Variants in ROBO1 observed in about 807,000 individuals in gnomAD.
ROBO1 encodes roundabout guidance receptor 1.
ROBO1 carries 149 observed loss-of-function variants against 195.9 expected under a neutral mutation model. The ratio of observed to expected loss-of-function variants is 0.76; its 90% CI spans 0.67 to 0.87. The LOEUF is 0.87. ROBO1 is among the 40% of genes least tolerant of loss of function. The probability of loss-of-function intolerance (pLI) is 0.00; values close to 1 mark genes in which losing one functional copy is unlikely to be tolerated. For synonymous variants in ROBO1, 816 were observed against 733.2 expected (o/e 1.11, Z -1.82); for missense variants, 1,933 against 2,068.3 (o/e 0.93, Z 1.27).
chr3:79,631,824 A>G (rs1945351466), intron 1 of ROBO1, among the ~76,000 whole-genome samples: 1 of 152,144 alleles, frequency 6.6e-6, no homozygotes, highest in Non-Finnish European at 1.5e-5. Flanking sequence ...AAGTACATGA[A>G]CAGACATTCC....
intron 2 of ROBO1, among the ~76,000 whole-genome samples, chr3:79,408,361 T>C (rs1323407546): frequency 6.6e-6 from 1 of 152,094 alleles, no homozygotes; most frequent in Non-Finnish European, 1.5e-5. Flanking sequence ...ATTGAATTTA[T>C]CTTTATATAT....
At chr3:79,560,010 T>C (rs1942849981) in intron 2 of ROBO1, among the ~76,000 whole-genome samples, 1 of 152,100 alleles carries the variant, frequency 6.6e-6, no homozygotes, top group Non-Finnish European at 1.5e-5. Flanking sequence ...GATAAGAATA[T>C]ACTTTATGTT....
intron 2 of ROBO1, among the ~76,000 whole-genome samples, chr3:79,462,569 C>T (rs988386177): frequency 1.3e-5 from 2 of 152,146 alleles, no homozygotes; most frequent in East Asian, 3.9e-4. Flanking sequence ...CAATGAAGCA[C>T]TTTTGTGTAG....
Position 78,938,588 on chromosome 3 carries a change from C to A in ROBO1, c.499+13G>T. 2 of 1,596,162 alleles carry A rather than the reference C, an allele frequency of 1.3e-6. No homozygotes were observed. The highest frequency in any genetic ancestry group is 1.7e-4 in the Middle Eastern group (1 of 5,968). The stretch of plus-strand genomic sequence containing the variant: ...ACTCCCTCTGCCAAACACAGAGCGC[C>A]CAGTTTACTTACTGGCTACTTCCAG... On this transcript the variant is annotated intron_variant, in intron 4 of 30. Transcript: ENST00000464233.
At chr3:79,292,327 G>A (rs905014073) in intron 2 of ROBO1, among the ~76,000 whole-genome samples, 2 of 152,206 alleles carry the variant, frequency 1.3e-5, no homozygotes, top group African/African-American at 4.8e-5. Context: ...TGCAAACAGA[G>A]ACAATTTGAC....
chr3:79,493,097 G>T (rs1406420028), intron 2 of ROBO1, among the ~76,000 whole-genome samples: 1 of 151,862 alleles, frequency 6.6e-6, no homozygotes, highest in East Asian at 1.9e-4. Context: ...TTAATTAAGA[G>T]ATTTGGCAAA....
chr3:78,802,707 GCATCATCATCAT>G (rs58983750), intron 4 of ROBO1, among the ~76,000 whole-genome samples: 39 of 149,752 alleles, frequency 2.6e-4, no homozygotes, highest in South Asian at 4.2e-4. Context: ...CTGCGGTCTA[GCATCATCATCAT>G]CATCATCATC....
At chr3:79,419,387 C>G (rs1169712096) in intron 2 of ROBO1, among the ~76,000 whole-genome samples, 1 of 152,026 alleles carries the variant, frequency 6.6e-6, no homozygotes, top group East Asian at 1.9e-4. Flanking sequence ...GTCCAGCCTC[C>G]AGAAAGTGAT....
At chr3:78,677,414 G>A (rs992695976) in intron 10 of ROBO1, among the ~76,000 whole-genome samples, 111 of 152,224 alleles carry the variant, frequency 7.3e-4, no homozygotes, top group African/African-American at 2.5e-3. Context: ...TCAGTGTGCT[G>A]TATTCAGGAA....
rs370400635 is a variant in ROBO1 at position 79,494,450 on chromosome 3, A to C, written c.88+95374T>G. Among the ~76,000 whole-genome samples, 9 of 152,306 alleles carry C rather than the reference A, an allele frequency of 5.9e-5. No individual in the cohort carries two copies. The East Asian group carries it at 1.3e-3, about 23-fold the overall frequency. ...GAAACAAATAAAAGGGCTATCTGCAAAAAAATACAATTTTTTAAAAGTAAG... is the reference window on the plus strand; with the variant it reads ...GAAACAAATAAAAGGGCTATCTGCACAAAAATACAATTTTTTAAAAGTAAG... On this transcript the variant is annotated intron_variant, in intron 2 of 30. Transcript: ENST00000464233.
At chr3:79,120,519 C>G (rs2080097469) in intron 3 of ROBO1, among the ~76,000 whole-genome samples, 1 of 151,954 alleles carries the variant, frequency 6.6e-6, no homozygotes, top group Admixed American at 6.6e-5. Context: ...GGACAGGCTT[C>G]TTTTAATTAG....
intron 2 of ROBO1, among the ~76,000 whole-genome samples, chr3:79,145,867 C>G (rs2080638187): frequency 6.6e-6 from 1 of 151,860 alleles, no homozygotes. Context: ...TTACAGTGTT[C>G]TTTGAGTGAA....
At chr3:78,691,833 C>T (rs1309367382) in intron 8 of ROBO1, among the ~76,000 whole-genome samples, 1 of 152,114 alleles carries the variant, frequency 6.6e-6, no homozygotes, top group African/African-American at 2.4e-5. Context: ...CATTTTTCTT[C>T]ACACTATCTT....
intron 2 of ROBO1, among the ~76,000 whole-genome samples, chr3:79,147,186 T>C (rs1381825057): frequency 6.6e-6 from 1 of 151,942 alleles, no homozygotes; most frequent in Non-Finnish European, 1.5e-5. Flanking sequence ...AAAATGAATA[T>C]AGTCAACGCA....
At chr3:79,091,105 C>T (rs1204355734) in intron 3 of ROBO1, among the ~76,000 whole-genome samples, 1 of 152,106 alleles carries the variant, frequency 6.6e-6, no homozygotes, top group Non-Finnish European at 1.5e-5. Flanking sequence ...CATAACACCT[C>T]CACTTACTCA....
At chr3:78,857,661 G>A (rs1025601385) in intron 4 of ROBO1, among the ~76,000 whole-genome samples, 4 of 152,130 alleles carry the variant, frequency 2.6e-5, no homozygotes, top group African/African-American at 7.2e-5. Context: ...AACTCTGGAC[G>A]TGGCCAGAAA....
intron 22 of ROBO1, among the ~76,000 whole-genome samples, chr3:78,636,653 A>G (rs950549382): frequency 2.0e-5 from 3 of 151,892 alleles, no homozygotes; most frequent in African/African-American, 7.2e-5. Flanking sequence ...AATGGTACTA[A>G]GGAGAATTCT....
At chr3:78,739,916 TA>T in intron 5 of ROBO1, among the ~76,000 whole-genome samples, 1 of 152,176 alleles carries the variant, frequency 6.6e-6, no homozygotes, top group Non-Finnish European at 1.5e-5. Context: ...GCAGAGTTGT[TA>T]TATATGTTGC....
intron 27 of ROBO1, among the ~76,000 whole-genome samples, chr3:78,616,067 G>C (rs1001446932): frequency 1.3e-5 from 2 of 152,084 alleles, no homozygotes; most frequent in African/African-American, 4.8e-5. Flanking sequence ...GAGAATTAGG[G>C]CTGAGACTGA....
Sources: gnomAD v4.1 joint callset for allele counts (sites outside exome capture counted in the v4.1 genomes callset) on GRCh38, gnomAD v4.1.1 for gene constraint, MANE v1.5 for transcripts, NCBI Gene and HGNC (gene_info 2026-07-23, HGNC 2026-07-21) for gene names.